The following FOXN3 variants were observed in gnomAD, a reference collection of about 807,000 sequenced individuals.
The protein encoded by FOXN3 is forkhead box N3.
A neutral mutation model predicts 38.4 loss-of-function variants in FOXN3; 7 were observed. The ratio of observed to expected loss-of-function variants is 0.18; its 90% CI spans 0.10 to 0.34. FOXN3 has a LOEUF of 0.34. FOXN3 is among the 10% of genes least tolerant of loss of function. The probability of loss-of-function intolerance (pLI) is 1.00; values close to 1 mark genes in which losing one functional copy is unlikely to be tolerated. For missense variants in FOXN3, 456 were observed against 613.4 expected (o/e 0.74, Z 2.71); for synonymous variants, 230 against 242.2 (o/e 0.95, Z 0.47).
At chr14:89,533,440 G>A (rs1321967675) in intron 1 of FOXN3, among the ~76,000 whole-genome samples, 1 of 152,116 alleles carries the variant, frequency 6.6e-6, no homozygotes, top group Non-Finnish European at 1.5e-5. Flanking sequence ...CAGGCGGGCG[G>A]ATCACGAAGT....
At chr14:89,343,626 G>GT (rs1377083049) in intron 3 of FOXN3, among the ~76,000 whole-genome samples, 21 of 27,170 alleles carry the variant, frequency 7.7e-4, no homozygotes, top group Admixed American at 2.8e-3. Context: ...TAATGTGTGT[G>GT]GTTTTTTTTT....
chr14:89,467,197 G>C (rs946031214), intron 1 of FOXN3, among the ~76,000 whole-genome samples: 5 of 152,118 alleles, frequency 3.3e-5, no homozygotes, highest in Non-Finnish European at 5.9e-5. Context: ...AGAAAGTGAG[G>C]GCTGGCCCGG....
chr14:89,323,366 G>A (rs1887950361), intron 3 of FOXN3, among the ~76,000 whole-genome samples: 3 of 151,904 alleles, frequency 2.0e-5, no homozygotes, highest in African/African-American at 7.3e-5. Context: ...GGTGGTTAGG[G>A]TAGGTGTCTT....
intron 2 of FOXN3, among the ~76,000 whole-genome samples, chr14:89,377,887 G>T (rs1376010424): frequency 6.6e-6 from 1 of 152,164 alleles, no homozygotes; most frequent in African/African-American, 2.4e-5. Flanking sequence ...CACTATGACT[G>T]GTGTCCTTCT....
chr14:89,288,720 CTCTCTATATATATATATATATATATA>C (rs1204644841), intron 3 of FOXN3, among the ~76,000 whole-genome samples: 440 of 37,294 alleles, frequency 0.012, 1 homozygote, highest in Non-Finnish European at 0.015. Flanking sequence ...CTCTCTCTCT[CTCTCTATATATATATATATATATATA>C]TATATATATA....
intron 3 of FOXN3, among the ~76,000 whole-genome samples, chr14:89,292,272 C>T (rs1386274122): frequency 6.6e-6 from 1 of 152,154 alleles, no homozygotes; most frequent in Non-Finnish European, 1.5e-5. Context: ...TCTTAGCCAT[C>T]GCCACACATA....
intron 5 of FOXN3, among the ~76,000 whole-genome samples, chr14:89,173,020 G>A (rs1258306597): frequency 6.6e-6 from 1 of 152,098 alleles, no homozygotes; most frequent in Non-Finnish European, 1.5e-5. Flanking sequence ...TTGAAAGAGA[G>A]TGAAAAGACC....
intron 1 of FOXN3, among the ~76,000 whole-genome samples, chr14:89,477,509 C>T (rs1232963199): frequency 6.6e-6 from 1 of 152,234 alleles, no homozygotes; most frequent in Non-Finnish European, 1.5e-5. Flanking sequence ...ACTAAAAGGG[C>T]ATTCCCACTT....
chr14:89,180,900 G>T, intron 4 of FOXN3, 94 bp from the exon 5 acceptor site: 1 of 522,978 alleles, frequency 1.9e-6, no homozygotes, highest in Non-Finnish European at 2.9e-6. Context: ...CAATAAGAGA[G>T]AGAGAGAGAC....
At chr14:89,553,426 C>G (rs544249987) in intron 1 of FOXN3, among the ~76,000 whole-genome samples, 99 of 150,286 alleles carry the variant, frequency 6.6e-4, no homozygotes, top group African/African-American at 2.0e-3. Context: ...CTAAAGGAAC[C>G]CTTTACTCAA....
In FOXN3 at chr14:89,429,982, CT is replaced by C. The variant is rs918743246; in HGVS notation, c.-14-17493del. On this transcript the variant is annotated intron_variant, in intron 1 of 6. Transcript: ENST00000345097. ...ATTGTCACATTCGTTCTTCTGTTTA[CT>C]TTTTTTTACTGCCTTTAATCAAGTT... Among the ~76,000 whole-genome samples the C allele has an allele frequency of 4.6e-5, 7 of 152,196 alleles. No homozygotes were observed. The South Asian group carries it at 6.2e-4, about 14-fold the overall frequency.
chr14:89,181,047 C>T (rs942352435), intron 4 of FOXN3, among the ~76,000 whole-genome samples: 7 of 151,164 alleles, frequency 4.6e-5, no homozygotes, highest in African/African-American at 1.7e-4. Flanking sequence ...CACGTACGTA[C>T]ACCTGCACAT....
chr14:89,532,533 T>C (rs1441572441), intron 1 of FOXN3, among the ~76,000 whole-genome samples: 2 of 152,224 alleles, frequency 1.3e-5, no homozygotes, highest in East Asian at 3.8e-4. Flanking sequence ...ACTACATCTA[T>C]TCTTAAACTT....
intron 5 of FOXN3, among the ~76,000 whole-genome samples, chr14:89,171,914 G>A (rs1384909046): frequency 6.6e-6 from 1 of 151,742 alleles, no homozygotes; most frequent in African/African-American, 2.4e-5. Flanking sequence ...CAATAATTAG[G>A]GAAAAAAACC....
intron 5 of FOXN3, among the ~76,000 whole-genome samples, chr14:89,166,567 C>T (rs1207652202): frequency 6.6e-6 from 1 of 152,180 alleles, no homozygotes; most frequent in Non-Finnish European, 1.5e-5. Context: ...TTCAAAATAT[C>T]TCCCTGTCAC....
chr14:89,162,335 A>G lies in FOXN3; in HGVS notation c.*79T>C. On this transcript the variant is annotated 3_prime_UTR_variant, in exon 6 of 6. Transcript: ENST00000557258. This position sits in a 1 kb window ranked among gnomAD's most constrained non-coding sequence, Gnocchi z 7.2. The stretch of plus-strand genomic sequence containing the variant: ...AGAAAAAAGAAAAAAAATTGCTGAT[A>G]TTGCCACAAATCATTAGAAATCTCC... The G allele has an allele frequency of 1.6e-6, 2 of 1,214,556 alleles. No homozygotes were observed. Among genetic ancestry groups the G allele is most frequent in the Non-Finnish European group, 2.2e-6 (2 of 893,012 alleles). 75.2% of individuals were successfully genotyped at this position (1,214,556 alleles called of 1,614,324 possible).
chr14:89,224,291 C>T (rs1884562144), intron 4 of FOXN3, among the ~76,000 whole-genome samples: 1 of 152,110 alleles, frequency 6.6e-6, no homozygotes, highest in Non-Finnish European at 1.5e-5. Context: ...GTTTAATTAA[C>T]TAAGTTTGCA....
At chr14:89,192,828 A>T (rs1887995639) in intron 4 of FOXN3, among the ~76,000 whole-genome samples, 2 of 147,806 alleles carry the variant, frequency 1.4e-5, no homozygotes, top group Non-Finnish European at 3.0e-5. Context: ...AAAAATATAT[A>T]TATTTATATA....
At chr14:89,549,646 A>G (rs1894961551) in intron 1 of FOXN3, among the ~76,000 whole-genome samples, 1 of 152,170 alleles carries the variant, frequency 6.6e-6, no homozygotes, top group African/African-American at 2.4e-5. Flanking sequence ...CCAATTTATT[A>G]TTGGCAAAGA....
Sources: gnomAD v4.1 joint callset for allele counts (sites outside exome capture counted in the v4.1 genomes callset) on GRCh38, gnomAD v4.1.1 for gene constraint, Gnocchi (gnomAD v3.1) non-coding constraint, MANE v1.5 for transcripts, NCBI Gene and HGNC (gene_info 2026-07-23, HGNC 2026-07-21) for gene names.